Variants in ARSK observed in about 807,000 individuals in gnomAD.
ARSK encodes the protein arylsulfatase family member K.
ARSK carries 37 observed loss-of-function variants against 53.2 expected under a neutral mutation model. The observed-to-expected ratio is 0.70, with a 90% confidence interval of 0.54 to 0.92. The LOEUF (loss-of-function observed/expected upper bound fraction) is 0.92, where lower values mean the gene tolerates loss of function less well. Ranked by LOEUF, ARSK falls within the 40% of genes least tolerant of loss-of-function variation. The pLI is 0.00. For synonymous variants in ARSK, 208 were observed against 223.2 expected (o/e 0.93, Z 0.61); for missense variants, 613 against 643.0 (o/e 0.95, Z 0.51).
chr5:95,569,315 TAACAA>T (rs1262340431), intron 3 of ARSK, among the ~76,000 whole-genome samples: 1 of 152,204 alleles, frequency 6.6e-6, no homozygotes, highest in Non-Finnish European at 1.5e-5. Context: ...AAAATTAAGT[TAACAA>T]AAATAGTTGA....
Position 95,555,428 on chromosome 5 carries a change from G to A in ARSK, c.126+24G>A, listed in dbSNP as rs1292701982. 1.9e-6 allele frequency: 3 copies of A among 1,584,794 alleles called. No homozygotes were observed. The highest frequency in any genetic ancestry group is 1.7e-5 in the Admixed American group (1 of 57,482). On this transcript the variant is annotated intron_variant, in intron 1 of 7. Transcript: ENST00000380009. This position sits in a 1 kb window ranked among gnomAD's most constrained non-coding sequence, Gnocchi z 4.0. The stretch of plus-strand genomic sequence containing the variant: ...TCGTAAGTACCGCGAGGCAGGGGAG[G>A]GGCGCCCCGCTGGGGATCGGCGACC...
intron 1 of ARSK, among the ~76,000 whole-genome samples, chr5:95,563,481 C>T (rs1295683318): frequency 1.3e-5 from 2 of 152,188 alleles, no homozygotes; most frequent in African/African-American, 4.8e-5. Flanking sequence ...CTGATGGAAT[C>T]GTTGGGAACT....
rs1171595488 is a variant in ARSK, at chr5:95,583,021, A to C, written c.522A>C (p.Glu174Asp). 6 of 1,613,772 alleles carry C rather than the reference A, an allele frequency of 3.7e-6. No homozygotes were observed. In the African/African-American group the frequency reaches 6.7e-5, roughly 18 times the overall value. The stretch of plus-strand genomic sequence containing the variant: ...ACAGGACTAAAGTCAGAGTGATGGA[A>C]AGGGATTGGCAGAATACAGACAAAG... ...IRNRTKVRVM[E>D]RDWQNTDKAV... Residue 174 changes from glutamate (E) to aspartate (D), a missense_variant, in exon 4 of 8, where the codon GAA becomes GAC. Physicochemically the swap from Glu to Asp is conservative, Grantham distance 45. Coordinates refer to ENST00000380009, the MANE Select transcript of ARSK (RefSeq NM_198150.3).
intron 5 of ARSK, among the ~76,000 whole-genome samples, chr5:95,589,780 T>C (rs971717332): frequency 1.3e-5 from 2 of 152,234 alleles, no homozygotes; most frequent in East Asian, 1.9e-4. Context: ...GTATATTCCT[T>C]TGGGTATATA....
chr5:95,555,193 C>A lies in ARSK; in HGVS notation c.-86C>A, dbSNP rs988507007. On this transcript the variant is annotated 5_prime_UTR_variant, in exon 1 of 8. Coordinates refer to ENST00000380009, the MANE Select transcript of ARSK (RefSeq NM_198150.3). The surrounding 1 kb of genome is among the most constrained non-coding windows in gnomAD (Gnocchi z 4.0). ...CAAACTGCAAGCTTTGGGAGTTGTT[C>A]GCTGTCCCTGCCCTGCTCTGCTAGG... The A allele has an allele frequency of 3.0e-6, 4 of 1,334,996 alleles. No homozygotes were observed. The highest frequency in any genetic ancestry group is 4.1e-6 in the Non-Finnish European group (4 of 985,594). The allele number at this position is 1,334,996 out of a possible 1,614,324, so 82.7% of individuals were successfully genotyped here.
intron 4 of ARSK, among the ~76,000 whole-genome samples, 192 bp from the exon 5 acceptor site, chr5:95,586,370 C>CT (rs1749111199): frequency 6.6e-6 from 1 of 151,888 alleles, no homozygotes; most frequent in South Asian, 2.1e-4. Context: ...TTGATATATA[C>CT]CTTTTGTTAT....
At chr5:95,589,230 A>G (rs1749172152) in intron 5 of ARSK, among the ~76,000 whole-genome samples, 1 of 152,308 alleles carries the variant, frequency 6.6e-6, no homozygotes, top group African/African-American at 2.4e-5. Context: ...TCTGTTTACC[A>G]TCTGTTTCCC....
chr5:95,562,218 A>T (rs147781282), intron 1 of ARSK, among the ~76,000 whole-genome samples: 2 of 138,810 alleles, frequency 1.4e-5, no homozygotes, highest in African/African-American at 3.2e-5. Flanking sequence ...CTCAAAAAAA[A>T]TAAATAAAAA....
In ARSK at chr5:95,555,723, G is replaced by T. The variant is rs1034417160; in HGVS notation, c.126+319G>T. ...GTCCATACCCCCGTTTGGTTTAATT[G>T]TGTGGTAAAATAACATTCTGCATCT... On this transcript the variant is annotated intron_variant, in intron 1 of 7. Transcript: ENST00000380009. This position sits in a 1 kb window ranked among gnomAD's most constrained non-coding sequence, Gnocchi z 4.0. 1.3e-5 allele frequency among the ~76,000 whole-genome samples: 2 copies of T among 152,034 alleles called. No individual in the cohort carries two copies. Among genetic ancestry groups the T allele is most frequent in the African/African-American group, 4.8e-5 (2 of 41,378 alleles).
In ARSK at chr5:95,586,623, A is replaced by G. The variant is rs1330496331; in HGVS notation, c.761A>G (p.Asp254Gly). The G allele has an allele frequency of 2.5e-6, 4 of 1,612,470 alleles. No individual in the cohort carries two copies. In the Admixed American group the frequency reaches 5.0e-5, roughly 20 times the overall value. ...CCTTTGTCAGAAATGCACCCTGTAG[A>G]TTATTACTCTTCTTATACAAAAAAC... ...WSPLSEMHPVDYYSSYTKNCT... is the reference protein window; with the variant it reads ...WSPLSEMHPVGYYSSYTKNCT... Residue 254 changes from aspartate (D) to glycine (G), a missense_variant, in exon 5 of 8, where the codon GAT becomes GGT. By Grantham distance (94) the Asp-to-Gly change is moderately conservative. Transcript: ENST00000380009.
chr5:95,600,172 A>G (rs1398436498), intron 6 of ARSK, among the ~76,000 whole-genome samples: 2 of 152,194 alleles, frequency 1.3e-5, no homozygotes, highest in Non-Finnish European at 2.9e-5. Context: ...CTTCCTAAAT[A>G]TAATCCACAA....
At chr5:95,602,908 T>G (rs1580234527) in intron 7 of ARSK, among the ~76,000 whole-genome samples, 1 of 152,172 alleles carries the variant, frequency 6.6e-6, no homozygotes, top group East Asian at 1.9e-4. Context: ...CATTTCTGCC[T>G]GTCAAAGTAG....
At chr5:95,571,765 T>C (rs185640429) in intron 3 of ARSK, among the ~76,000 whole-genome samples, 4 of 152,354 alleles carry the variant, frequency 2.6e-5, no homozygotes, top group African/African-American at 7.2e-5. Flanking sequence ...TTATGAGCGC[T>C]GTATGTACCC....
At chr5:95,583,498 A>T (rs1178092816) in intron 4 of ARSK, among the ~76,000 whole-genome samples, 1 of 152,184 alleles carries the variant, frequency 6.6e-6, no homozygotes, top group African/African-American at 2.4e-5. Flanking sequence ...CCAGATTGTA[A>T]AAATGACCAT....
intron 1 of ARSK, among the ~76,000 whole-genome samples, chr5:95,564,372 A>C (rs1348839768): frequency 6.6e-6 from 1 of 152,166 alleles, no homozygotes; most frequent in African/African-American, 2.4e-5. Flanking sequence ...TAGAAGTGGT[A>C]ATTTATTTTG....
intron 6 of ARSK, among the ~76,000 whole-genome samples, chr5:95,597,754 C>T (rs1005742720): frequency 2.0e-5 from 3 of 152,034 alleles, no homozygotes; most frequent in Non-Finnish European, 4.4e-5. Context: ...ATCAGCCAGG[C>T]GTGGTGATGT....
At chr5:95,600,693 T>G (rs534757535) in intron 6 of ARSK, 154 bp from the exon 7 acceptor site, 1 of 785,992 alleles carries the variant, frequency 1.3e-6, no homozygotes, top group South Asian at 1.5e-5. Context: ...GGTAAGCATG[T>G]GAATTTTGGC....
intron 3 of ARSK, among the ~76,000 whole-genome samples, chr5:95,576,448 C>T (rs913352289): frequency 1.3e-5 from 2 of 151,714 alleles, no homozygotes; most frequent in African/African-American, 2.4e-5. Context: ...CCGCCCGCCT[C>T]GGCCTCCCAA....
At chr5:95,580,811 T>G (rs1044133902) in intron 3 of ARSK, 4 of 678,684 alleles carry the variant, frequency 5.9e-6, no homozygotes, top group Non-Finnish European at 8.9e-6. Flanking sequence ...TGTAGTATAT[T>G]CATCTACTGA....
Sources: gnomAD v4.1 joint callset for allele counts (sites outside exome capture counted in the v4.1 genomes callset) on GRCh38, gnomAD v4.1.1 for gene constraint, Gnocchi (gnomAD v3.1) non-coding constraint, MANE v1.5 for transcripts, NCBI Gene and HGNC (gene_info 2026-07-23, HGNC 2026-07-21) for gene names.